Variants in EPHA4 observed in about 807,000 individuals in gnomAD.
EPHA4 encodes EPH receptor A4.
EPHA4 carries 19 observed loss-of-function variants against 108.3 expected under a neutral mutation model. The observed-to-expected ratio is 0.18, with a 90% CI of 0.12 to 0.26. The LOEUF is 0.26. Among genes scored for constraint, EPHA4 ranks in the 10% least tolerant of loss-of-function variants. The pLI is 1.00. For missense variants in EPHA4, 917 were observed against 1,254.0 expected, an observed-to-expected ratio of 0.73 and a Z score of 4.06; for synonymous variants, 449 against 455.5, an observed-to-expected ratio of 0.99 and a Z score of 0.18.
chr2:221,529,291 C>G (rs559659675), intron 3 of EPHA4, among the ~76,000 whole-genome samples: 12 of 152,154 alleles, frequency 7.9e-5, no homozygotes, highest in Non-Finnish European at 1.3e-4. Context: ...TGATTTTGCC[C>G]CACCTTGAGG....
intron 4 of EPHA4, among the ~76,000 whole-genome samples, chr2:221,492,113 C>T (rs1197009325): frequency 6.6e-6 from 1 of 152,124 alleles, no homozygotes. Flanking sequence ...GTATGACTTC[C>T]ATGCATAGTG....
chr2:221,535,906 C>T lies in EPHA4; in HGVS notation c.823+27825G>A, dbSNP rs116908581. Among the ~76,000 whole-genome samples the T allele has an allele frequency of 1.1e-4, 16 of 152,244 alleles. No homozygotes were observed. The East Asian group carries it at 2.3e-3, about 22-fold the overall frequency. On this transcript the variant is annotated intron_variant, in intron 3 of 17. Coordinates refer to ENST00000281821, the MANE Select transcript of EPHA4 (RefSeq NM_004438.5). Reference sequence around the variant, plus strand: ...TGATGAACGAGCCAGGGGTAGAGACCAAACTCTTCCTCTGCTCTTCAAAAA... The same window carrying T: ...TGATGAACGAGCCAGGGGTAGAGACTAAACTCTTCCTCTGCTCTTCAAAAA...
chr2:221,483,663 G>C (rs908063093), intron 4 of EPHA4, among the ~76,000 whole-genome samples: 1 of 152,054 alleles, frequency 6.6e-6, no homozygotes, highest in African/African-American at 2.4e-5. Context: ...ATACAGGTGT[G>C]TGCCACCACA....
At chr2:221,550,243 A>G (rs553095240) in intron 3 of EPHA4, among the ~76,000 whole-genome samples, 1 of 152,288 alleles carries the variant, frequency 6.6e-6, no homozygotes, top group Non-Finnish European at 1.5e-5. Context: ...ATATAGAGAA[A>G]AGTGCCCCAA....
intron 3 of EPHA4, among the ~76,000 whole-genome samples, chr2:221,519,400 C>T (rs907490715): frequency 2.0e-5 from 3 of 152,170 alleles, no homozygotes; most frequent in African/African-American, 4.8e-5. Context: ...GCTGACATTC[C>T]TCCCAAAGCT....
At chr2:221,525,596 G>A (rs1306416164) in intron 3 of EPHA4, among the ~76,000 whole-genome samples, 1 of 152,166 alleles carries the variant, frequency 6.6e-6, no homozygotes, top group Non-Finnish European at 1.5e-5. Context: ...GAGAGCAGGC[G>A]AGATGTGGCT....
intron 11 of EPHA4, 71 bp from the exon 12 acceptor site, chr2:221,437,193 G>A (rs1318207364): frequency 5.2e-5 from 59 of 1,140,464 alleles, no homozygotes; most frequent in South Asian, 3.5e-4. Flanking sequence ...AATGGGCTGC[G>A]CACAATTTTA....
intron 11 of EPHA4, among the ~76,000 whole-genome samples, chr2:221,440,742 T>A (rs1690399416): frequency 6.6e-6 from 1 of 152,212 alleles, no homozygotes. Flanking sequence ...CTAAGTATTC[T>A]ATTTCATCCC....
intron 4 of EPHA4, among the ~76,000 whole-genome samples, chr2:221,497,530 C>T (rs969052331): frequency 2.0e-5 from 3 of 151,936 alleles, no homozygotes; most frequent in Non-Finnish European, 2.9e-5. Flanking sequence ...CATGAGGTGA[C>T]GAGTTCAAGA....
chr2:221,505,539 T>G (rs911286744), intron 3 of EPHA4, among the ~76,000 whole-genome samples: 19 of 152,104 alleles, frequency 1.2e-4, no homozygotes, highest in Non-Finnish European at 1.9e-4. Flanking sequence ...TTAGTCAGGC[T>G]GGTTTTGAAC....
intron 3 of EPHA4, among the ~76,000 whole-genome samples, chr2:221,544,573 G>T (rs948040029): frequency 6.6e-6 from 1 of 152,050 alleles, no homozygotes; most frequent in African/African-American, 2.4e-5. Flanking sequence ...TGATCCACGC[G>T]TATCGGCCTC....
At chr2:221,423,736 CCTTGT>C (rs1020943488) in intron 17 of EPHA4, among the ~76,000 whole-genome samples, 5 of 151,562 alleles carry the variant, frequency 3.3e-5, no homozygotes, top group African/African-American at 4.9e-5. Flanking sequence ...TTAGAAAATA[CCTTGT>C]CTTAAGTTGT....
chr2:221,430,209 C>T (rs1690031830), intron 14 of EPHA4, 58 bp from the exon 15 acceptor site: 7 of 1,517,878 alleles, frequency 4.6e-6, no homozygotes, highest in South Asian at 1.3e-5. Flanking sequence ...GTTCAAGGTT[C>T]ACCCTTCCGA....
At chr2:221,430,844 T>C (rs1245681085) in intron 14 of EPHA4, among the ~76,000 whole-genome samples, 1 of 152,214 alleles carries the variant, frequency 6.6e-6, no homozygotes, top group African/African-American at 2.4e-5. Context: ...GGCATTTACA[T>C]TTTAAAGGAG....
intron 10 of EPHA4, among the ~76,000 whole-genome samples, 164 bp from the exon 11 acceptor site, chr2:221,443,178 A>G (rs1690483208): frequency 6.6e-6 from 1 of 152,194 alleles, no homozygotes; most frequent in East Asian, 1.9e-4. Flanking sequence ...AGATGCTACT[A>G]TTAGCCCCAT....
chr2:221,437,691 T>C (rs55858739), intron 11 of EPHA4, among the ~76,000 whole-genome samples: 34,886 of 150,150 alleles, frequency 0.23, 4,110 homozygotes, highest in African/African-American at 0.25. Flanking sequence ...ACAGTCGGAT[T>C]GCCTCAGGTC....
At chr2:221,442,540 T>C (rs1574566225) in intron 11 of EPHA4, among the ~76,000 whole-genome samples, 1 of 152,162 alleles carries the variant, frequency 6.6e-6, no homozygotes, top group Non-Finnish European at 1.5e-5. Flanking sequence ...GCCCACCCTA[T>C]GACAATCAGT....
At chr2:221,572,105 C>A in intron 1 of EPHA4, 53 bp downstream of exon 1, 1 of 1,504,024 alleles carries the variant, frequency 6.6e-7, no homozygotes, top group South Asian at 1.1e-5. Context: ...GGACCCCTCA[C>A]CCGCGATGGC....
In EPHA4 at chr2:221,477,050, TTA is replaced by T. The variant is rs1691675232; in HGVS notation, c.1318+5300_1318+5301del. Among the ~76,000 whole-genome samples the T allele has an allele frequency of 1.2e-4, 4 of 34,260 alleles. No individual in the cohort carries two copies. In the South Asian group the frequency reaches 1.7e-3, roughly 14 times the overall value. 22.5% of individuals were successfully genotyped at this position (34,260 alleles called of 152,430 possible). A position where few individuals can be genotyped will look rare whatever the true frequency, so the allele number is the denominator to read the frequency against. ...TGAGGTGTAATGCCACTTTATTTTATTATTATTATTATTATTATTATTATTTT... is the reference window on the plus strand; with the variant it reads ...TGAGGTGTAATGCCACTTTATTTTATTTATTATTATTATTATTATTATTTT... On this transcript the variant is annotated intron_variant, in intron 5 of 17. Transcript: ENST00000281821.
Sources: gnomAD v4.1 joint callset for allele counts (sites outside exome capture counted in the v4.1 genomes callset) on GRCh38, gnomAD v4.1.1 for gene constraint, MANE v1.5 for transcripts, NCBI Gene and HGNC (gene_info 2026-07-23, HGNC 2026-07-21) for gene names.